Variants in KLHL4 observed in about 807,000 individuals in gnomAD.
KLHL4 encodes the protein kelch-like protein 4.
In KLHL4, 17 loss-of-function variants were observed where a neutral mutation model predicts 45.8. That is an observed-to-expected ratio of 0.37 (90% CI 0.25 to 0.56). KLHL4 has a LOEUF of 0.56. KLHL4 is among the 20% of genes least tolerant of loss of function. The pLI is 0.79. For synonymous variants in KLHL4, 224 were observed against 189.9 expected, an observed-to-expected ratio of 1.18 and a Z score of -1.47; for missense variants, 544 against 544.9, an observed-to-expected ratio of 1.00 and a Z score of 0.02.
rs768551530 is a variant in KLHL4 at position 87,666,503 on chromosome X, G to A, written c.2126G>A (p.Gly709Asp). Residue 709 changes from glycine (G) to aspartate (D), a missense_variant, in exon 11 of 11, where the codon GGT becomes GAT. By Grantham distance (94) the Gly-to-Asp change is moderately conservative. Coordinates refer to ENST00000373119, the MANE Select transcript of KLHL4 (RefSeq NM_019117.5). ...GTTCCTGTTAACATTGGAAGAGCTG[G>A]TGCATGTGTTGTAGTGGTGAAGCTA... ...EEVPVNIGRA[G>D]ACVVVVKLP is the part of the protein sequence containing the mutation. The A allele has an allele frequency of 1.7e-6, 2 of 1,191,005 alleles. No homozygotes were observed. The highest frequency in any genetic ancestry group is 2.3e-6 in the Non-Finnish European group (2 of 881,161).
Position 87,625,690 on chromosome X carries a change from T to C in KLHL4, c.1218T>C (p.Tyr406=). Residue 406 remains tyrosine (Y), a synonymous_variant, in exon 6 of 11, where the codon TAT becomes TAC. Coordinates refer to ENST00000373119, the MANE Select transcript of KLHL4 (RefSeq NM_019117.5). ...AGCTCCTGATGGAAGCTATGAAGTA[T>C]CATCTTTTGCCTGAGAGAAGATCCA... The part of the protein sequence containing the change: ...CQKLLMEAMK[Y]HLLPERRSMM... 1 of 1,208,772 alleles carries C rather than the reference T, an allele frequency of 8.3e-7. No homozygotes were observed. The highest frequency in any genetic ancestry group is 1.1e-6 in the Non-Finnish European group (1 of 893,115).
In KLHL4 at chrX:87,638,136, C is replaced by T. The variant is rs1221190911; in HGVS notation, c.1925+2361C>T. On this transcript the variant is annotated intron_variant, in intron 9 of 10. Coordinates refer to ENST00000373119, the MANE Select transcript of KLHL4 (RefSeq NM_019117.5). ...AGTGTATCAAATTAACCCAATCCGA[C>T]AAAGATAAAGAAAAAAATTATTTTA... Among the ~76,000 whole-genome samples, 4 of 108,449 alleles carry T rather than the reference C, an allele frequency of 3.7e-5. No homozygotes were observed. In the Admixed American group the frequency reaches 3.9e-4, roughly 11 times the overall value. 94.2% of individuals were successfully genotyped at this position (108,449 alleles called of 115,157 possible). A position where few individuals can be genotyped will look rare whatever the true frequency, so the allele number is the denominator to read the frequency against.
chrX:87,627,275 A>G (rs1363451336), intron 6 of KLHL4, among the ~76,000 whole-genome samples: 1 of 111,332 alleles, frequency 9.0e-6, no homozygotes, highest in Non-Finnish European at 1.9e-5. Context: ...GAGGAAAGAA[A>G]ACATTCCAAG....
intron 9 of KLHL4, among the ~76,000 whole-genome samples, chrX:87,644,117 G>A (rs1225444032): frequency 9.0e-6 from 1 of 111,141 alleles, no homozygotes; most frequent in Non-Finnish European, 1.9e-5. Flanking sequence ...AACTCTCACT[G>A]TTTGCTGATG....
At chrX:87,645,719 C>T (rs1052780063) in intron 9 of KLHL4, among the ~76,000 whole-genome samples, 7 of 111,499 alleles carry the variant, frequency 6.3e-5, no homozygotes, top group Admixed American at 9.5e-5. Flanking sequence ...ACTATGCAGC[C>T]ATAAAAAGGA....
chrX:87,639,024 A>C (rs1923360704), intron 9 of KLHL4, among the ~76,000 whole-genome samples: 1 of 107,688 alleles, frequency 9.3e-6, no homozygotes, highest in Non-Finnish European at 2.0e-5. Context: ...AAATGGACAC[A>C]AAAAAATGAG....
At chrX:87,596,597 A>C in intron 1 of KLHL4, among the ~76,000 whole-genome samples, 1 of 112,280 alleles carries the variant, frequency 8.9e-6, no homozygotes, top group Non-Finnish European at 1.9e-5. Flanking sequence ...AAGAAAGTTT[A>C]GGAATTAAAT....
chrX:87,653,960 C>T (rs1923901948), intron 9 of KLHL4, among the ~76,000 whole-genome samples: 1 of 110,304 alleles, frequency 9.1e-6, no homozygotes, highest in Admixed American at 9.7e-5. Flanking sequence ...TGGGGAACAG[C>T]AAACACTGAG....
Position 87,625,655 on chromosome X carries a change from G to A in KLHL4, c.1183G>A (p.Glu395Lys), listed in dbSNP as rs1327324339. The A allele has an allele frequency of 1.7e-6, 2 of 1,206,748 alleles. No homozygotes were observed. Among genetic ancestry groups the A allele is most frequent in the African/African-American group, 3.5e-5 (2 of 57,034 alleles). Residue 395 changes from glutamate (E) to lysine (K), a missense_variant, in exon 6 of 11, where the codon GAG (glutamate) becomes AAG (lysine). Physicochemically the swap from Glu to Lys is moderately conservative, Grantham distance 56. Transcript: ENST00000373119. The stretch of plus-strand genomic sequence containing the variant: ...CAGTTCCATGTTTACTGGTGATCTT[G>A]AGTGTCAGAAGCTCCTGATGGAAGC... ...ETSSMFTGDL[E>K]CQKLLMEAMK...
rs1406891745 is a variant in KLHL4 at position 87,669,225 on chromosome X, T to C, written c.*2691T>C. ...AGACAATGTTGCTTCTTGATTTTTT[T>C]CTATAATCACTATGACCGTGTTCAC... On this transcript the variant is annotated 3_prime_UTR_variant, in exon 11 of 11. Coordinates refer to ENST00000373119, the MANE Select transcript of KLHL4 (RefSeq NM_019117.5). The C allele has an allele frequency of 8.9e-6, 10 of 1,118,147 alleles. No homozygotes were observed. The highest frequency in any genetic ancestry group is 1.2e-5 in the Non-Finnish European group (10 of 846,663). The allele number at this position is 1,118,147 out of a possible 1,213,427, so 92.1% of individuals were successfully genotyped here.
At chrX:87,645,884 C>G (rs960961235) in intron 9 of KLHL4, among the ~76,000 whole-genome samples, 4 of 110,621 alleles carry the variant, frequency 3.6e-5, no homozygotes, top group Admixed American at 1.9e-4. Context: ...ATACAATGGA[C>G]TTTGGGGACT....
At chrX:87,655,867 G>A (rs910059477) in intron 9 of KLHL4, among the ~76,000 whole-genome samples, 1 of 111,740 alleles carries the variant, frequency 8.9e-6, no homozygotes, top group Middle Eastern at 4.2e-3. Context: ...AGCATTTCTT[G>A]TAAGTTTGGT....
At chrX:87,549,183 C>T (rs1195099747) in intron 1 of KLHL4, among the ~76,000 whole-genome samples, 1 of 110,607 alleles carries the variant, frequency 9.0e-6, no homozygotes, top group African/African-American at 3.3e-5. Context: ...AAAGCCACTA[C>T]ATAATGATAA....
intron 1 of KLHL4, among the ~76,000 whole-genome samples, chrX:87,552,541 C>T: frequency 9.0e-6 from 1 of 110,784 alleles, no homozygotes; most frequent in South Asian, 3.8e-4. Flanking sequence ...TCTAGCAATC[C>T]CACTACTTGG....
At chrX:87,577,224 C>A (rs1370387317) in intron 1 of KLHL4, among the ~76,000 whole-genome samples, 2 of 111,632 alleles carry the variant, frequency 1.8e-5, no homozygotes, top group Non-Finnish European at 3.8e-5. Context: ...TTCCTGTTTT[C>A]CCGGAGCATA....
intron 1 of KLHL4, among the ~76,000 whole-genome samples, chrX:87,540,945 A>T (rs913077337): frequency 1.8e-5 from 2 of 111,583 alleles, no homozygotes; most frequent in African/African-American, 6.5e-5. Context: ...TCACCAGATT[A>T]TAAGAATTTT....
intron 1 of KLHL4, among the ~76,000 whole-genome samples, chrX:87,552,089 G>A (rs1389212700): frequency 9.0e-6 from 1 of 111,368 alleles, no homozygotes; most frequent in African/African-American, 3.3e-5. Context: ...CAAAAAAACA[G>A]TCACCTGAGT....
At chrX:87,568,150 G>A (rs1174482398) in intron 1 of KLHL4, among the ~76,000 whole-genome samples, 1 of 110,016 alleles carries the variant, frequency 9.1e-6, no homozygotes, top group African/African-American at 3.3e-5. Context: ...CAGGCAGAAA[G>A]TATAATAGTG....
chrX:87,555,032 G>A (rs1196792034), intron 1 of KLHL4, among the ~76,000 whole-genome samples: 1 of 102,295 alleles, frequency 9.8e-6, no homozygotes, highest in Non-Finnish European at 2.0e-5. Flanking sequence ...ATTGATTTGT[G>A]TATATTGAAC....
Sources: allele counts gnomAD v4.1 joint callset (sites outside exome capture counted in the v4.1 genomes callset), GRCh38; gene constraint gnomAD v4.1.1; transcripts MANE v1.5; gene names NCBI Gene and HGNC (gene_info 2026-07-23, HGNC 2026-07-21).